TNRC6B: variants seen among roughly 807,000 people sequenced by gnomAD.
TNRC6B encodes the protein trinucleotide repeat-containing gene 6B protein.
In TNRC6B, 52 loss-of-function variants were observed where a neutral mutation model predicts 203.6. The observed-to-expected ratio is 0.26, with a 90% CI of 0.20 to 0.32. The LOEUF is 0.32. Among genes scored for constraint, TNRC6B ranks in the 10% least tolerant of loss-of-function variants. The pLI, the probability that TNRC6B is intolerant of heterozygous loss-of-function variation, is 1.00. For synonymous variants in TNRC6B, 838 were observed against 845.7 expected, an observed-to-expected ratio of 0.99 and a Z score of 0.16; for missense variants, 1,923 against 2,286.2, an observed-to-expected ratio of 0.84 and a Z score of 3.24.
At chr22:40,288,070 T>G (rs6001865) in intron 12 of TNRC6B, among the ~76,000 whole-genome samples, 24 of 152,320 alleles carry the variant, frequency 1.6e-4, no homozygotes, top group African/African-American at 5.8e-4. Flanking sequence ...GAATAATTAG[T>G]TAGAGCTTGT....
intron 1 of TNRC6B, among the ~76,000 whole-genome samples, chr22:40,214,263 T>A (rs775292875): frequency 6.6e-5 from 10 of 151,626 alleles, no homozygotes; most frequent in Non-Finnish European, 1.3e-4. Flanking sequence ...GGAGACTCCA[T>A]CTCAAAAAAT....
chr22:40,157,337 A>G (rs1277322861), intron 4 of TNRC6B, among the ~76,000 whole-genome samples: 3 of 152,160 alleles, frequency 2.0e-5, no homozygotes, highest in African/African-American at 7.2e-5. Flanking sequence ...ATACAGAGAA[A>G]CTTCTCTCAT....
chr22:40,321,029 TA>T (rs1484829311), intron 21 of TNRC6B, 60 bp from the exon 22 acceptor site: 1 of 1,597,070 alleles, frequency 6.3e-7, no homozygotes, highest in African/African-American at 1.3e-5. Flanking sequence ...TTGAATATCT[TA>T]AAATGTACCT....
At chr22:40,144,618 T>C (rs1312629120) in intron 3 of TNRC6B, among the ~76,000 whole-genome samples, 1 of 143,530 alleles carries the variant, frequency 7.0e-6, no homozygotes, top group Non-Finnish European at 1.5e-5. Flanking sequence ...GAACTTGCAG[T>C]GAGCCGAGAT....
intron 1 of TNRC6B, among the ~76,000 whole-genome samples, chr22:40,196,248 C>CAA (rs762821535): frequency 5.2e-4 from 79 of 150,698 alleles, no homozygotes; most frequent in Non-Finnish European, 9.0e-4. Flanking sequence ...CTACCGGGCT[C>CAA]AAGCAGTCCT....
chr22:40,274,301 C>T (rs1309547142), intron 7 of TNRC6B, among the ~76,000 whole-genome samples: 4 of 152,120 alleles, frequency 2.6e-5, no homozygotes, highest in Non-Finnish European at 5.9e-5. Context: ...TCTCCCGCGG[C>T]AATCAGCACG....
At chr22:40,081,519 G>T (rs1216979231) in intron 1 of TNRC6B, among the ~76,000 whole-genome samples, 6 of 152,090 alleles carry the variant, frequency 3.9e-5, no homozygotes, top group Admixed American at 3.9e-4. Flanking sequence ...ATATGTATCT[G>T]CAAGTTCAGT....
intron 1 of TNRC6B, among the ~76,000 whole-genome samples, chr22:40,240,072 T>A (rs5757886): frequency 1.3e-5 from 2 of 151,896 alleles, no homozygotes; most frequent in African/African-American, 4.8e-5. Context: ...ACCTCATGAT[T>A]TGCCCGCCTC....
At chr22:40,189,008 A>G (rs563222058) in intron 1 of TNRC6B, among the ~76,000 whole-genome samples, 1 of 152,296 alleles carries the variant, frequency 6.6e-6, no homozygotes, top group Non-Finnish European at 1.5e-5. Context: ...CCATTTCAGC[A>G]TATGATCCCC....
At chr22:40,203,866 G>A (rs963553036) in intron 1 of TNRC6B, among the ~76,000 whole-genome samples, 6 of 152,228 alleles carry the variant, frequency 3.9e-5, no homozygotes, top group Non-Finnish European at 5.9e-5. Context: ...AGAGAGGGAG[G>A]AGGGTGTCCA....
chr22:40,172,286 C>G (rs1275783413), intron 4 of TNRC6B, among the ~76,000 whole-genome samples: 3 of 152,214 alleles, frequency 2.0e-5, no homozygotes, highest in Non-Finnish European at 4.4e-5. Context: ...TCCTGTCAAA[C>G]TGCTTATTCC....
intron 1 of TNRC6B, among the ~76,000 whole-genome samples, chr22:40,235,693 G>A (rs1352936205): frequency 1.3e-5 from 2 of 152,148 alleles, no homozygotes; most frequent in Non-Finnish European, 2.9e-5. Context: ...TGTGTCAGAG[G>A]AGCATTTTAA....
chr22:40,313,195 A>C (rs2071210160), intron 19 of TNRC6B, among the ~76,000 whole-genome samples, 198 bp downstream of exon 19: 2 of 152,208 alleles, frequency 1.3e-5, no homozygotes, highest in Non-Finnish European at 2.9e-5. Context: ...TGAGCCAGAT[A>C]CAGCTTTGGG....
chr22:40,258,140 A>G (rs2070313785), intron 3 of TNRC6B, among the ~76,000 whole-genome samples: 1 of 114,510 alleles, frequency 8.7e-6, no homozygotes. Context: ...TACTGAGATC[A>G]TGTTTAAGCC....
intron 1 of TNRC6B, among the ~76,000 whole-genome samples, chr22:40,199,818 G>A (rs929776719): frequency 1.3e-5 from 2 of 151,636 alleles, no homozygotes; most frequent in African/African-American, 4.8e-5. Flanking sequence ...TTTTGAGACA[G>A]AGTCTGGCTC....
At chr22:40,182,486 A>G (rs2069147109) in intron 1 of TNRC6B, among the ~76,000 whole-genome samples, 1 of 152,196 alleles carries the variant, frequency 6.6e-6, no homozygotes, top group Non-Finnish European at 1.5e-5. Flanking sequence ...AATTGAAGCC[A>G]CTTGGCCAGA....
intron 3 of TNRC6B, among the ~76,000 whole-genome samples, chr22:40,132,969 A>AAAAAAAAAAAATATAT (rs1282694632): frequency 2.6e-5 from 2 of 78,190 alleles, no homozygotes; most frequent in Non-Finnish European, 5.3e-5. Context: ...AAAAAAAAAA[A>AAAAAAAAAAAATATAT]ATATATATAT....
At chr22:40,241,291 T>G (rs920129068) in intron 1 of TNRC6B, among the ~76,000 whole-genome samples, 2 of 152,214 alleles carry the variant, frequency 1.3e-5, no homozygotes, top group Non-Finnish European at 1.5e-5. Flanking sequence ...AAGAACATTC[T>G]GGTGTAAAAC....
chr22:40,196,447 A>ATT, intron 1 of TNRC6B, among the ~76,000 whole-genome samples: 1 of 152,232 alleles, frequency 6.6e-6, no homozygotes, highest in Non-Finnish European at 1.5e-5. Flanking sequence ...CCACTGAATA[A>ATT]ATGAGTGCCT....
Sources: allele counts gnomAD v4.1 joint callset (sites outside exome capture counted in the v4.1 genomes callset), GRCh38; gene constraint gnomAD v4.1.1; transcripts MANE v1.5; gene names NCBI Gene and HGNC (gene_info 2026-07-23, HGNC 2026-07-21).